Variants in DYNC2I1 observed in about 807,000 individuals in gnomAD.
DYNC2I1 encodes the protein cytoplasmic dynein 2 intermediate chain 1.
In DYNC2I1, 89 loss-of-function variants were observed where a neutral mutation model predicts 133.4. The observed-to-expected ratio is 0.67, with a 90% confidence interval of 0.56 to 0.80. The LOEUF (loss-of-function observed/expected upper bound fraction) is 0.80. Among genes scored for constraint, DYNC2I1 ranks in the 30% least tolerant of loss-of-function variants. The pLI is 0.00. For missense variants in DYNC2I1, 1,291 were observed against 1,314.5 expected (o/e 0.98, Z 0.28); for synonymous variants, 504 against 484.3 (o/e 1.04, Z -0.54).
chr7:158,843,256 G>T, the DYNC2I1 span, among the ~76,000 whole-genome samples: 16 of 151,592 alleles, frequency 1.1e-4, no homozygotes, highest in Non-Finnish European at 2.2e-4. Flanking sequence ...CACCATGCCC[G>T]GCCAGTTTTT....
At chr7:158,887,611 C>T (rs1844727844) in intron 7 of DYNC2I1, among the ~76,000 whole-genome samples, 1 of 152,190 alleles carries the variant, frequency 6.6e-6, no homozygotes, top group South Asian at 2.1e-4. Flanking sequence ...TTCCTAGAGA[C>T]TATCAGTTAC....
In DYNC2I1 at chr7:158,856,741, G is replaced by T. The variant is rs1841270076; in HGVS notation, c.6G>T (p.Glu2Asp). ...GCCCGGGCCTGCGGGAAGCGATGGAGCCCGGGAAGGTCGGTGCGGCGCTGG... is the reference window on the plus strand; with the variant it reads ...GCCCGGGCCTGCGGGAAGCGATGGATCCCGGGAAGGTCGGTGCGGCGCTGG... M[E>D]PGKRRTKDDT... Residue 2 changes from glutamate to aspartate, a missense_variant, in exon 1 of 25, where the codon GAG (glutamate) becomes GAT (aspartate). Coordinates refer to ENST00000407559, the MANE Select transcript of DYNC2I1 (RefSeq NM_018051.5). 4 of 1,234,660 alleles carry T rather than the reference G, an allele frequency of 3.2e-6. No individual in the cohort carries two copies. Among genetic ancestry groups the T allele is most frequent in the Middle Eastern group, 3.0e-4 (1 of 3,374 alleles). 76.5% of individuals were successfully genotyped at this position (1,234,660 alleles called of 1,614,324 possible).
At chr7:158,852,095 A>G (rs1841071287), upstream of DYNC2I1, among the ~76,000 whole-genome samples, 1 of 151,716 alleles carries the variant, frequency 6.6e-6, no homozygotes, top group Non-Finnish European at 1.5e-5. Context: ...CAGGGACCAT[A>G]GCAGAAGAGC....
chr7:158,869,788 A>C, intron 1 of DYNC2I1, 67 bp from the exon 2 acceptor site: 1 of 1,265,014 alleles, frequency 7.9e-7, no homozygotes, highest in South Asian at 1.4e-5. Context: ...CATAATGAAA[A>C]AGCAGCTCAC....
chr7:158,878,949 G>A (rs917471087), intron 4 of DYNC2I1, among the ~76,000 whole-genome samples: 9 of 146,136 alleles, frequency 6.2e-5, no homozygotes, highest in Admixed American at 4.1e-4. Flanking sequence ...GCGAGGAGGG[G>A]AGGCCAGGAG....
intron 21 of DYNC2I1, among the ~76,000 whole-genome samples, chr7:158,932,415 C>T (rs749117160): frequency 7.9e-5 from 12 of 151,686 alleles, no homozygotes; most frequent in Admixed American, 2.6e-4. Context: ...TCAGTGGGTC[C>T]GATGTTGAGG....
At chr7:158,873,831 A>G (rs74859712) in intron 3 of DYNC2I1, among the ~76,000 whole-genome samples, 1 of 152,070 alleles carries the variant, frequency 6.6e-6, no homozygotes, top group Non-Finnish European at 1.5e-5. Context: ...ATCTCGGCCC[A>G]CTGCAGCCTC....
At chr7:158,921,888 G>A (rs1052200871) in intron 15 of DYNC2I1, among the ~76,000 whole-genome samples, 2 of 152,266 alleles carry the variant, frequency 1.3e-5, no homozygotes, top group African/African-American at 2.4e-5. Context: ...AGTGGCAACA[G>A]TAACGCCTTG....
intron 8 of DYNC2I1, 83 bp from the exon 9 acceptor site, chr7:158,901,656 A>G: frequency 1.2e-6 from 1 of 861,864 alleles, no homozygotes; most frequent in Non-Finnish European, 1.8e-6. Context: ...AATGTCAGAA[A>G]ACATATATGT....
intron 15 of DYNC2I1, among the ~76,000 whole-genome samples, chr7:158,919,998 G>C: frequency 6.8e-6 from 1 of 147,470 alleles, no homozygotes; most frequent in East Asian, 2.1e-4. Flanking sequence ...TGTGGCCTCC[G>C]TCGGAGAACA....
At chr7:158,937,293 A>G (rs1364902521) in intron 23 of DYNC2I1, among the ~76,000 whole-genome samples, 1 of 152,244 alleles carries the variant, frequency 6.6e-6, no homozygotes, top group East Asian at 1.9e-4. Flanking sequence ...TGGATCAAGT[A>G]GAGGAATGAA....
chr7:158,876,270 C>T (rs1306535105), intron 3 of DYNC2I1, among the ~76,000 whole-genome samples: 1 of 152,110 alleles, frequency 6.6e-6, no homozygotes, highest in Non-Finnish European at 1.5e-5. Context: ...CTCAGTATCA[C>T]AAGAACAGCA....
intron 1 of DYNC2I1, among the ~76,000 whole-genome samples, chr7:158,865,021 C>T (rs1265016315): frequency 2.0e-5 from 3 of 152,228 alleles, no homozygotes; most frequent in Non-Finnish European, 4.4e-5. Context: ...CAATGAGCGT[C>T]AGGTCCAGGG....
chr7:158,906,142 T>G, intron 11 of DYNC2I1, 51 bp downstream of exon 11: 2 of 1,491,782 alleles, frequency 1.3e-6, no homozygotes, highest in Non-Finnish European at 1.8e-6. Flanking sequence ...TAGCTTAACT[T>G]TTCTTTCACA....
chr7:158,886,032 CA>C (rs1409489443), intron 6 of DYNC2I1, among the ~76,000 whole-genome samples: 37 of 148,486 alleles, frequency 2.5e-4, no homozygotes, highest in African/African-American at 8.1e-4. Flanking sequence ...TTTTATATTA[CA>C]TATTATATAA....
chr7:158,869,778 C>A, intron 1 of DYNC2I1, 77 bp from the exon 2 acceptor site: 1 of 1,108,432 alleles, frequency 9.0e-7, no homozygotes, highest in Non-Finnish European at 1.3e-6. Flanking sequence ...ATTTAAATGG[C>A]ATAATGAAAA....
rs1373849994 is a variant in DYNC2I1, at chr7:158,860,499, C to T, written c.15+3749C>T. Reference sequence around the variant, plus strand: ...GAGATCATACCAAGTTTCAGTATGTCGTAGCTATTGGAAAAAACTTAATGG... The same window carrying T: ...GAGATCATACCAAGTTTCAGTATGTTGTAGCTATTGGAAAAAACTTAATGG... On this transcript the variant is annotated intron_variant, in intron 1 of 24. Coordinates refer to ENST00000407559, the MANE Select transcript of DYNC2I1 (RefSeq NM_018051.5). Among the ~76,000 whole-genome samples, 6 of 152,248 alleles carry T rather than the reference C, an allele frequency of 3.9e-5. No homozygotes were observed. In the East Asian group the frequency reaches 7.7e-4, roughly 20 times the overall value.
intron 17 of DYNC2I1, among the ~76,000 whole-genome samples, chr7:158,925,002 C>T (rs1359468289): frequency 1.3e-5 from 2 of 152,168 alleles, no homozygotes; most frequent in South Asian, 2.1e-4. Flanking sequence ...GTGATCTGCC[C>T]TCCTTGGCCT....
chr7:158,911,481 G>A (rs1209266532), intron 11 of DYNC2I1, 69 bp from the exon 12 acceptor site: 41 of 1,528,612 alleles, frequency 2.7e-5, no homozygotes, highest in Non-Finnish European at 3.5e-5. Context: ...GTTTACTTCT[G>A]TTCTCCCTAC....
Sources: allele counts gnomAD v4.1 joint callset (sites outside exome capture counted in the v4.1 genomes callset), GRCh38; gene constraint gnomAD v4.1.1; transcripts MANE v1.5; gene names NCBI Gene and HGNC (gene_info 2026-07-23, HGNC 2026-07-21).